The following AP1S3 variants were observed in gnomAD, a reference collection of about 807,000 sequenced individuals.
AP1S3 encodes adaptor related protein complex 1 subunit sigma 3, also known as AP-1 complex subunit sigma-3.
A neutral mutation model predicts 20.9 loss-of-function variants in AP1S3; 10 were observed. The ratio of observed to expected loss-of-function variants is 0.48; its 90% CI spans 0.29 to 0.81. The LOEUF (loss-of-function observed/expected upper bound fraction) is 0.81. Among genes scored for constraint, AP1S3 ranks in the 30% least tolerant of loss-of-function variants. The probability of loss-of-function intolerance (pLI) is 0.08; values close to 1 mark genes in which losing one functional copy is unlikely to be tolerated. For synonymous variants in AP1S3, 41 were observed against 61.5 expected, an observed-to-expected ratio of 0.67 and a Z score of 1.56; for missense variants, 154 against 183.8, an observed-to-expected ratio of 0.84 and a Z score of 0.94.
intron 1 of AP1S3, among the ~76,000 whole-genome samples, chr2:223,789,674 C>CAA (rs536845135): frequency 0.012 from 1,032 of 89,124 alleles, 20 homozygotes; most frequent in African/African-American, 0.039. Context: ...AACCCTGTCT[C>CAA]AAAAAAAAAA....
chr2:223,767,845 C>G (rs1029322339), intron 3 of AP1S3, among the ~76,000 whole-genome samples: 1 of 152,120 alleles, frequency 6.6e-6, no homozygotes, highest in Admixed American at 6.5e-5. Context: ...CTTCCCCTTC[C>G]CCACTCATTC....
intron 1 of AP1S3, among the ~76,000 whole-genome samples, chr2:223,787,369 G>A (rs1224633269): frequency 2.0e-5 from 3 of 152,178 alleles, no homozygotes; most frequent in Non-Finnish European, 2.9e-5. Context: ...ATAGACATCT[G>A]CAACACTCCT....
rs200312403 is a variant in AP1S3, at chr2:223,777,781, A to T, written c.92T>A (p.Ile31Asn). 5 of 1,614,134 alleles carry T rather than the reference A, an allele frequency of 3.1e-6. No homozygotes were observed. Residue 31 changes from isoleucine (I) to asparagine (N), a missense_variant, in exon 2 of 5, where the codon ATC (isoleucine) becomes AAC (asparagine). Coordinates refer to ENST00000396654, the MANE Select transcript of AP1S3 (RefSeq NM_001039569.2). ...AATAATCTGAACAATTTCCCGGGTGATCTTCTTCCTCTCTTTATCAGGGAG... is the reference window on the plus strand; with the variant it reads ...AATAATCTGAACAATTTCCCGGGTGTTCTTCTTCCTCTCTTTATCAGGGAG... ...ITLPDKERKK[I>N]TREIVQIILS... is the part of the protein sequence containing the mutation.
At chr2:223,771,839 G>T (rs906187789) in intron 3 of AP1S3, among the ~76,000 whole-genome samples, 8 of 152,370 alleles carry the variant, frequency 5.3e-5, no homozygotes, top group Middle Eastern at 3.4e-3. Context: ...GGGCACAGTG[G>T]CTCACGCCTG....
intron 1 of AP1S3, among the ~76,000 whole-genome samples, chr2:223,825,206 C>G (rs1960030): frequency 0.5 from 74,904 of 151,040 alleles, 18,656 homozygotes; most frequent in Admixed American, 0.58. Flanking sequence ...CCAGCTACTC[C>G]TGAGGCTGAG....
Position 223,830,285 on chromosome 2 carries a change from C to T in AP1S3, c.3+7163G>A, listed in dbSNP as rs1438054307. ...CTTGAGGTCAGGAGTTCAAGACCAGCCTGGCCAACATAGTGAAACCCTATC... is the reference window on the plus strand; with the variant it reads ...CTTGAGGTCAGGAGTTCAAGACCAGTCTGGCCAACATAGTGAAACCCTATC... On this transcript the variant is annotated intron_variant, in intron 1 of 4. Transcript: ENST00000396654. Among the ~76,000 whole-genome samples the T allele has an allele frequency of 7.9e-5, 12 of 151,804 alleles. No homozygotes were observed. The South Asian group carries it at 2.1e-3, about 26-fold the overall frequency.
intron 1 of AP1S3, among the ~76,000 whole-genome samples, chr2:223,832,297 C>G (rs1369661894): frequency 6.6e-6 from 1 of 152,014 alleles, no homozygotes; most frequent in Non-Finnish European, 1.5e-5. Flanking sequence ...TGCTTCCTTA[C>G]AGCTGTTGTT....
intron 1 of AP1S3, among the ~76,000 whole-genome samples, chr2:223,781,124 T>C (rs1211202599): frequency 6.6e-6 from 1 of 152,144 alleles, no homozygotes; most frequent in African/African-American, 2.4e-5. Context: ...GATTTTGTTC[T>C]TTTTTATGCT....
intron 2 of AP1S3, 55 bp from the exon 3 acceptor site, chr2:223,776,064 G>A: frequency 7.1e-7 from 1 of 1,415,798 alleles, no homozygotes; most frequent in Non-Finnish European, 9.8e-7. Flanking sequence ...GCAACCTGGA[G>A]ACAGTTTTTC....
chr2:223,756,867 C>G lies in AP1S3; in HGVS notation c.*1848G>C. On this transcript the variant is annotated 3_prime_UTR_variant, in exon 5 of 5. Transcript: ENST00000396654. The stretch of plus-strand genomic sequence containing the variant: ...GGAAACACACTCTTCTAGGAAATCA[C>G]TGGAGGTCCCAAACCACTCTAATAT... 1 of 985,412 alleles carries G rather than the reference C, an allele frequency of 1.0e-6. No individual in the cohort carries two copies. Among genetic ancestry groups the G allele is most frequent in the Non-Finnish European group, 1.2e-6 (1 of 829,938 alleles). 61.0% of individuals were successfully genotyped at this position (985,412 alleles called of 1,614,324 possible).
chr2:223,812,922 G>A (rs1691767903), intron 1 of AP1S3, among the ~76,000 whole-genome samples: 1 of 151,718 alleles, frequency 6.6e-6, no homozygotes, highest in South Asian at 2.1e-4. Context: ...ATTTTGTGTG[G>A]GGTTTTTTGT....
At chr2:223,767,020 CAGGG>C (rs767417308) in intron 3 of AP1S3, among the ~76,000 whole-genome samples, 1 of 149,812 alleles carries the variant, frequency 6.7e-6, no homozygotes, top group Non-Finnish European at 1.5e-5. Flanking sequence ...CACATGGACA[CAGGG>C]AGGGGAACAT....
At chr2:223,780,078 T>C (rs1370461671) in intron 1 of AP1S3, among the ~76,000 whole-genome samples, 1 of 151,602 alleles carries the variant, frequency 6.6e-6, no homozygotes, top group Admixed American at 6.6e-5. Context: ...AATGAAACCA[T>C]GCTTTTTACT....
At chr2:223,820,396 G>C (rs1691959067) in intron 1 of AP1S3, among the ~76,000 whole-genome samples, 1 of 151,806 alleles carries the variant, frequency 6.6e-6, no homozygotes, top group Non-Finnish European at 1.5e-5. Context: ...TTTTCAAAAT[G>C]TCGAAGGCAA....
chr2:223,821,059 A>G (rs571738546), intron 1 of AP1S3, among the ~76,000 whole-genome samples: 12 of 152,350 alleles, frequency 7.9e-5, no homozygotes, highest in African/African-American at 2.9e-4. Flanking sequence ...GAAACCCTCT[A>G]TTTAGAATGA....
At chr2:223,781,027 G>A (rs775153383) in intron 1 of AP1S3, among the ~76,000 whole-genome samples, 5 of 151,582 alleles carry the variant, frequency 3.3e-5, no homozygotes, top group African/African-American at 4.8e-5. Context: ...CCGCTTGTGA[G>A]AACATGCAAT....
intron 1 of AP1S3, among the ~76,000 whole-genome samples, chr2:223,835,105 T>A (rs927253212): frequency 8.5e-5 from 13 of 152,254 alleles, no homozygotes; most frequent in African/African-American, 3.1e-4. Flanking sequence ...TCTTGGGGAC[T>A]GCTGGGGGTA....
chr2:223,826,811 G>A (rs775164992), intron 1 of AP1S3, among the ~76,000 whole-genome samples: 34 of 151,780 alleles, frequency 2.2e-4, no homozygotes, highest in Non-Finnish European at 3.8e-4. Flanking sequence ...GCACCACCAC[G>A]CCCAGCTAAT....
Position 223,765,226 on chromosome 2 carries a change from T to C in AP1S3, c.416A>G (p.Asp139Gly). The C allele has an allele frequency of 6.2e-7, 1 of 1,614,028 alleles. No individual in the cohort carries two copies. The highest frequency in any genetic ancestry group is 1.1e-5 in the South Asian group (1 of 91,054). Reference sequence around the variant, plus strand: ...AACCGTACTGACCTCCTGTAACATATCAGAGTCTTCAATGGCTTTGACAGC... The same window carrying C: ...AACCGTACTGACCTCCTGTAACATACCAGAGTCTTCAATGGCTTTGACAGC... Reference protein sequence around the residue: ...KIAVKAIEDSDMLQETMEEYM... With the variant: ...KIAVKAIEDSGMLQETMEEYM... The change falls in exon 4 of 5, where the codon GAT (aspartate) becomes GGT (glycine). Residue 139 changes from aspartate (D) to glycine (G), a missense_variant. By Grantham distance (94) the Asp-to-Gly change is moderately conservative. Transcript: ENST00000396654.
Sources: allele counts gnomAD v4.1 joint callset (sites outside exome capture counted in the v4.1 genomes callset), GRCh38; gene constraint gnomAD v4.1.1; transcripts MANE v1.5; gene names NCBI Gene and HGNC (gene_info 2026-07-23, HGNC 2026-07-21).